The following AKAP19 variants were observed in gnomAD, a reference collection of about 807,000 sequenced individuals.
The protein encoded by AKAP19 is A-kinase anchoring protein 19, also known as small A-kinase anchoring protein.
chr2:189,923,816 A>G, the AKAP19 span: 9 of 1,611,816 alleles, frequency 5.6e-6, no homozygotes, highest in Non-Finnish European at 8.5e-7. Context: ...AAGTGGCTTC[A>G]ATTCTAAGAG....
the AKAP19 span, among the ~76,000 whole-genome samples, chr2:189,965,244 G>T: frequency 2.6e-5 from 4 of 152,220 alleles, no homozygotes; most frequent in South Asian, 4.1e-4. Context: ...CGTCTTATAT[G>T]GGCCCAAGTT....
the AKAP19 span, among the ~76,000 whole-genome samples, chr2:190,144,901 C>T: frequency 1.3e-5 from 2 of 151,898 alleles, no homozygotes; most frequent in Admixed American, 6.6e-5. Flanking sequence ...CACTTGAACC[C>T]GGGAGGTGGA....
At chr2:190,053,702 C>T in the AKAP19 span, among the ~76,000 whole-genome samples, 4 of 151,768 alleles carry the variant, frequency 2.6e-5, no homozygotes, top group African/African-American at 9.7e-5. Context: ...TGGTAGTACT[C>T]GTATGTTTTA....
the AKAP19 span, among the ~76,000 whole-genome samples, chr2:189,929,371 C>G: frequency 6.6e-6 from 1 of 152,048 alleles, no homozygotes; most frequent in South Asian, 2.1e-4. Flanking sequence ...GAGGTCTCAC[C>G]GTGGTGCCAC....
At chr2:190,151,229 C>A in the AKAP19 span, among the ~76,000 whole-genome samples, 3 of 151,978 alleles carry the variant, frequency 2.0e-5, no homozygotes, top group Non-Finnish European at 4.4e-5. Flanking sequence ...ATTTTAAGTT[C>A]TAGGATACAT....
chr2:190,102,677 G>C, the AKAP19 span, among the ~76,000 whole-genome samples: 3 of 152,024 alleles, frequency 2.0e-5, no homozygotes, highest in South Asian at 4.2e-4. Flanking sequence ...GAGTTTCATA[G>C]TTGAATCAGT....
At chr2:189,987,916 T>C in the AKAP19 span, among the ~76,000 whole-genome samples, 2 of 151,910 alleles carry the variant, frequency 1.3e-5, no homozygotes, top group African/African-American at 4.8e-5. Flanking sequence ...GAGCTGGCTG[T>C]GCGGGAGACC....
At chr2:189,942,868 G>C in the AKAP19 span, among the ~76,000 whole-genome samples, 3 of 152,280 alleles carry the variant, frequency 2.0e-5, no homozygotes, top group East Asian at 3.9e-4. Flanking sequence ...AGCAGCAAAA[G>C]GTTCAAGATG....
chr2:189,923,147 T>C, the AKAP19 span, among the ~76,000 whole-genome samples: 1 of 152,046 alleles, frequency 6.6e-6, no homozygotes. Context: ...TGAGACTCCA[T>C]CTCTAAAAAA....
At chr2:190,138,782 T>C in the AKAP19 span, among the ~76,000 whole-genome samples, 3 of 152,222 alleles carry the variant, frequency 2.0e-5, no homozygotes, top group Non-Finnish European at 4.4e-5. Flanking sequence ...GATAGGTTTT[T>C]ATCATCTTTA....
chr2:189,940,377 C>T, the AKAP19 span, among the ~76,000 whole-genome samples: 1 of 150,806 alleles, frequency 6.6e-6, no homozygotes, highest in African/African-American at 2.4e-5. Flanking sequence ...ACTCAGGAGG[C>T]GGAGCTTGCA....
the AKAP19 span, among the ~76,000 whole-genome samples, chr2:189,895,197 A>G: frequency 2.0e-5 from 3 of 151,240 alleles, no homozygotes; most frequent in Non-Finnish European, 4.4e-5. Flanking sequence ...GTCTGATTAG[A>G]GAAGAAGAAA....
the AKAP19 span, among the ~76,000 whole-genome samples, chr2:190,089,165 T>C: frequency 6.6e-6 from 1 of 152,334 alleles, no homozygotes; most frequent in East Asian, 1.9e-4. Context: ...TGTACCTAAA[T>C]GTAATCCAAA....
chr2:189,993,896 T>C, the AKAP19 span, among the ~76,000 whole-genome samples: 1 of 152,178 alleles, frequency 6.6e-6, no homozygotes, highest in Non-Finnish European at 1.5e-5. Context: ...GGATCTTCTC[T>C]CTTCTTGATT....
the AKAP19 span, among the ~76,000 whole-genome samples, chr2:190,047,918 G>A: frequency 2.0e-5 from 3 of 152,176 alleles, no homozygotes; most frequent in African/African-American, 7.2e-5. Context: ...GAGGGATGCT[G>A]TCCTAGAAGG....
At chr2:190,049,790 A>T in the AKAP19 span, among the ~76,000 whole-genome samples, 24 of 152,374 alleles carry the variant, frequency 1.6e-4, no homozygotes, top group East Asian at 4.6e-3. Context: ...TGTTATTTAC[A>T]GCTGAATGTA....
the AKAP19 span, among the ~76,000 whole-genome samples, chr2:190,042,783 G>A: frequency 1.1e-3 from 167 of 152,290 alleles, 1 homozygote; most frequent in African/African-American, 3.5e-3. Flanking sequence ...ACTGGTCTGT[G>A]TATGACACTG....
chr2:190,183,599 GAATTCT>G, the AKAP19 span, among the ~76,000 whole-genome samples: 1 of 152,024 alleles, frequency 6.6e-6, no homozygotes, highest in South Asian at 2.1e-4. Flanking sequence ...TAAAGTCTAG[GAATTCT>G]AATTCTTTCT....
At chr2:189,911,938 G>A in the AKAP19 span, among the ~76,000 whole-genome samples, 1 of 151,200 alleles carries the variant, frequency 6.6e-6, no homozygotes, top group African/African-American at 2.4e-5. Context: ...ATACAAACTG[G>A]TTGATTTACC....
Sources: allele counts gnomAD v4.1 joint callset (sites outside exome capture counted in the v4.1 genomes callset), GRCh38; gene constraint gnomAD v4.1.1; transcripts MANE v1.5; gene names NCBI Gene and HGNC (gene_info 2026-07-23, HGNC 2026-07-21).